The following JAKMIP1 variants were observed in gnomAD, a reference collection of about 807,000 sequenced individuals.
JAKMIP1 encodes janus kinase and microtubule-interacting protein 1.
A neutral mutation model predicts 113.0 loss-of-function variants in JAKMIP1; 33 were observed. The observed-to-expected ratio is 0.29, with a 90% CI of 0.22 to 0.39. The LOEUF (loss-of-function observed/expected upper bound fraction) is 0.39, where lower values mean the gene tolerates loss of function less well. Ranked by LOEUF, JAKMIP1 falls within the 10% of genes least tolerant of loss-of-function variation. The pLI is 1.00. For missense variants in JAKMIP1, 813 were observed against 1,080.5 expected (o/e 0.75, Z 3.47); for synonymous variants, 480 against 459.9 (o/e 1.04, Z -0.56).
intron 1 of JAKMIP1, among the ~76,000 whole-genome samples, chr4:6,144,607 G>C (rs1297261940): frequency 6.6e-6 from 1 of 152,160 alleles, no homozygotes; most frequent in African/African-American, 2.4e-5. Flanking sequence ...ATACCATATT[G>C]ATGGAATAAA....
rs753889409 is a variant in JAKMIP1 at position 6,081,803 on chromosome 4, G to C, written c.955-48C>G. ...AGGCTCAGACAACTTGACGACGGAC[G>C]GCCGAGGTCACAGCACCGAGGTGAG... On this transcript the variant is annotated intron_variant, in intron 5 of 20. Coordinates refer to ENST00000409021, the MANE Select transcript of JAKMIP1 (RefSeq NM_001099433.2). This position sits in a 1 kb window ranked among gnomAD's most constrained non-coding sequence, Gnocchi z 4.6. The C allele has an allele frequency of 1.2e-6, 2 of 1,610,872 alleles. No homozygotes were observed. The highest frequency in any genetic ancestry group is 1.1e-5 in the South Asian group (1 of 90,776).
rs1164892393 is a variant in JAKMIP1, at chr4:6,176,796, G to A, written c.-148+23457C>T. Among the ~76,000 whole-genome samples, 2 of 152,308 alleles carry A rather than the reference G, an allele frequency of 1.3e-5. No homozygotes were observed. The highest frequency in any genetic ancestry group is 4.8e-5 in the African/African-American group (2 of 41,574). ...CCTGTAATCCTAGCACTTTTTGGGG[G>A]CCGAGGCAGGCGGATCACTTGAGCC... On this transcript the variant is annotated intron_variant, in intron 1 of 20. Coordinates refer to ENST00000409021, the MANE Select transcript of JAKMIP1 (RefSeq NM_001099433.2). The surrounding 1 kb of genome is among the most constrained non-coding windows in gnomAD (Gnocchi z 5.5).
intron 1 of JAKMIP1, among the ~76,000 whole-genome samples, chr4:6,132,589 C>T (rs2108939525): frequency 6.7e-6 from 1 of 149,858 alleles, no homozygotes; most frequent in African/African-American, 2.5e-5. Flanking sequence ...TTGCAGTGAG[C>T]TGAGATCTCA....
chr4:6,135,226 G>A lies in JAKMIP1; in HGVS notation c.-147-22229C>T, dbSNP rs531602544. ...GTTTGGAGACAAGGTCTTTATGGAG[G>A]TAAGTTAGGTAAAATGGGGCTGTGG... On this transcript the variant is annotated intron_variant, in intron 1 of 20. Coordinates refer to ENST00000409021, the MANE Select transcript of JAKMIP1 (RefSeq NM_001099433.2). This position sits in a 1 kb window ranked among gnomAD's most constrained non-coding sequence, Gnocchi z 4.9. 6.6e-6 allele frequency among the ~76,000 whole-genome samples: 1 copy of A among 152,306 alleles called. No individual in the cohort carries two copies. The highest frequency in any genetic ancestry group is 6.5e-5 in the Admixed American group (1 of 15,304).
chr4:6,064,916 G>C lies in JAKMIP1; in HGVS notation c.1395C>G (p.Asp465Glu). 1 of 1,614,142 alleles carries C rather than the reference G, an allele frequency of 6.2e-7. No individual in the cohort carries two copies. The highest frequency in any genetic ancestry group is 8.5e-7 in the Non-Finnish European group (1 of 1,180,030). The stretch of plus-strand genomic sequence containing the variant: ...CTTCTTCGGGCGTGGCTGGGGTCCT[G>C]TCTGTCCTGTCTGTGTTGTAGGATG... ...SETSYNTDRTDRTPATPEEDL... is the reference protein window; with the variant it reads ...SETSYNTDRTERTPATPEEDL... The change falls in exon 9 of 21, where the codon GAC becomes GAG. Residue 465 changes from aspartate to glutamate, a missense_variant. Asp to Glu is a conservative substitution (Grantham distance 45). Around this residue, in one of 2 missense-constraint regions of JAKMIP1, gnomAD observed 540 missense variants for 653.9 expected, o/e 0.83. Coordinates refer to ENST00000409021, the MANE Select transcript of JAKMIP1 (RefSeq NM_001099433.2). The surrounding 1 kb of genome is among the most constrained non-coding windows in gnomAD (Gnocchi z 4.3).
At chr4:6,172,369 C>T (rs559195399) in intron 1 of JAKMIP1, among the ~76,000 whole-genome samples, 32 of 152,306 alleles carry the variant, frequency 2.1e-4, no homozygotes, top group Non-Finnish European at 2.2e-4. Flanking sequence ...CTGCAGAAAA[C>T]AGTGCCTGTA....
At chr4:6,078,031 T>C (rs1174387607) in intron 8 of JAKMIP1, among the ~76,000 whole-genome samples, 1 of 152,066 alleles carries the variant, frequency 6.6e-6, no homozygotes, top group Non-Finnish European at 1.5e-5. Context: ...GTTTCCCTTA[T>C]AGATGAGAAA....
At chr4:6,075,841 C>T (rs1719624905) in intron 8 of JAKMIP1, among the ~76,000 whole-genome samples, 1 of 152,190 alleles carries the variant, frequency 6.6e-6, no homozygotes, top group African/African-American at 2.4e-5. Context: ...CGATTCAATT[C>T]CAACCCTTTG....
intron 1 of JAKMIP1, among the ~76,000 whole-genome samples, chr4:6,113,292 G>A (rs956499829): frequency 2.0e-5 from 3 of 152,320 alleles, no homozygotes; most frequent in East Asian, 1.9e-4. Flanking sequence ...CCATCAGGAT[G>A]AGACCAGCCC....
chr4:6,124,682 A>G (rs1717167388), intron 1 of JAKMIP1, among the ~76,000 whole-genome samples: 1 of 152,120 alleles, frequency 6.6e-6, no homozygotes, highest in Non-Finnish European at 1.5e-5. Flanking sequence ...AGGCCTCTGC[A>G]CTGCACCCTG....
chr4:6,049,334 C>T lies in JAKMIP1; in HGVS notation c.1963-412G>A, dbSNP rs920190858. On this transcript the variant is annotated intron_variant, in intron 15 of 20. Transcript: ENST00000409021. This position sits in a 1 kb window ranked among gnomAD's most constrained non-coding sequence, Gnocchi z 7.0. ...TACAGGCGTGAGCCACCATGCCCCG[C>T]CAACACCAAGCGACTTTCCTAGCTT... Among the ~76,000 whole-genome samples, 3 of 152,230 alleles carry T rather than the reference C, an allele frequency of 2.0e-5. No individual in the cohort carries two copies. Among genetic ancestry groups the T allele is most frequent in the African/African-American group, 7.2e-5 (3 of 41,442 alleles).
At chr4:6,087,999 T>G (rs1453613705) in intron 3 of JAKMIP1, among the ~76,000 whole-genome samples, 1 of 152,178 alleles carries the variant, frequency 6.6e-6, no homozygotes, top group Admixed American at 6.5e-5. Context: ...TCTTTAAACA[T>G]GCTGAAAACA....
intron 17 of JAKMIP1, among the ~76,000 whole-genome samples, chr4:6,041,735 C>G (rs1005118462): frequency 3.3e-5 from 5 of 152,222 alleles, no homozygotes; most frequent in African/African-American, 1.2e-4. Flanking sequence ...GTTTTCATGG[C>G]CAGCAAAGAT....
rs1727393477 is a variant in JAKMIP1, at chr4:6,192,571, C to T, written c.-148+7682G>A. ...TTTCACAAAAGAAGGAAGTGAAGCT[C>T]AGAAAGATGAAGGAACGAGCACTCG... On this transcript the variant is annotated intron_variant, in intron 1 of 20. Transcript: ENST00000409021. This position sits in a 1 kb window ranked among gnomAD's most constrained non-coding sequence, Gnocchi z 5.0. 6.6e-6 allele frequency among the ~76,000 whole-genome samples: 1 copy of T among 152,154 alleles called. No individual in the cohort carries two copies. Among genetic ancestry groups the T allele is most frequent in the Admixed American group, 6.5e-5 (1 of 15,284 alleles).
chr4:6,098,738 AG>A (rs869264030), intron 3 of JAKMIP1, among the ~76,000 whole-genome samples: 539 of 5,276 alleles, frequency 0.1, 16 homozygotes, highest in African/African-American at 0.18. Flanking sequence ...AAGAAAGAGA[AG>A]GAAGGAAGGA....
At chr4:6,036,522 A>G (rs1350904117) in intron 18 of JAKMIP1, among the ~76,000 whole-genome samples, 1 of 152,186 alleles carries the variant, frequency 6.6e-6, no homozygotes, top group African/African-American at 2.4e-5. Flanking sequence ...ATATGTCTGG[A>G]TTTGCACACA....
rs1308772567 is a variant in JAKMIP1, at chr4:6,176,767, C to G, written c.-148+23486G>C. Among the ~76,000 whole-genome samples the G allele has an allele frequency of 1.3e-5, 2 of 152,170 alleles. No homozygotes were observed. Among genetic ancestry groups the G allele is most frequent in the Non-Finnish European group, 2.9e-5 (2 of 68,042 alleles). ...GTGGGAAAAGCTGGGCGCCATGGCT[C>G]ACACCTGTAATCCTAGCACTTTTTG... is the stretch of plus-strand genomic sequence containing the variant. On this transcript the variant is annotated intron_variant, in intron 1 of 20. Coordinates refer to ENST00000409021, the MANE Select transcript of JAKMIP1 (RefSeq NM_001099433.2). The surrounding 1 kb of genome is among the most constrained non-coding windows in gnomAD (Gnocchi z 5.5).
At position 6,050,928 on chromosome 4, in the gene JAKMIP1, C is replaced by T. The variant is rs1004140420; in HGVS notation, c.1807-249G>A. Reference sequence around the variant, plus strand: ...TAGGGAGAAATGGTTAACAGGGTACCGTGGCTTTATCCATTGTGAGATCAA... The same window carrying T: ...TAGGGAGAAATGGTTAACAGGGTACTGTGGCTTTATCCATTGTGAGATCAA... On this transcript the variant is annotated intron_variant, in intron 13 of 20. Transcript: ENST00000409021. The surrounding 1 kb of genome is among the most constrained non-coding windows in gnomAD (Gnocchi z 7.4). Among the ~76,000 whole-genome samples the T allele has an allele frequency of 4.6e-5, 7 of 152,140 alleles. No individual in the cohort carries two copies. Among genetic ancestry groups the T allele is most frequent in the Admixed American group, 6.5e-5 (1 of 15,286 alleles).
At chr4:6,045,610 T>C (rs1469603888) in intron 16 of JAKMIP1, among the ~76,000 whole-genome samples, 2 of 152,220 alleles carry the variant, frequency 1.3e-5, no homozygotes, top group Admixed American at 6.5e-5. Context: ...AGGTGTCTCA[T>C]ACCTGTAATC....
Sources: gnomAD v4.1 joint callset for allele counts (sites outside exome capture counted in the v4.1 genomes callset) on GRCh38, gnomAD v4.1.1 for gene constraint, gnomAD v4.1.1 regional missense constraint, Gnocchi (gnomAD v3.1) non-coding constraint, MANE v1.5 for transcripts, NCBI Gene and HGNC (gene_info 2026-07-23, HGNC 2026-07-21) for gene names.